SF3B3: variants seen among roughly 807,000 people sequenced by gnomAD.
SF3B3 encodes SAP 130.
SF3B3 carries 33 observed loss-of-function variants against 139.2 expected under a neutral mutation model. The observed-to-expected ratio is 0.24, with a 90% CI of 0.18 to 0.32. SF3B3 has a LOEUF of 0.32. Ranked by LOEUF, SF3B3 falls within the 10% of genes least tolerant of loss-of-function variation. SF3B3 has a pLI of 1.00. For synonymous variants in SF3B3, 596 were observed against 563.6 expected (o/e 1.06, Z -0.81); for missense variants, 818 against 1,509.4 (o/e 0.54, Z 7.59).
At position 70,563,819 on chromosome 16, in the gene SF3B3, A is replaced by G. The variant is rs553770771; in HGVS notation, c.2289-57A>G. On this transcript the variant is annotated intron_variant, in intron 17 of 25. Transcript: ENST00000302516. The stretch of plus-strand genomic sequence containing the variant: ...TGCTGACTGCTCAAAGTCTATTTCA[A>G]CACCAGTTTCTGGGTCCGAGTGAGT... 21 of 1,551,978 alleles carry G rather than the reference A, an allele frequency of 1.4e-5. No individual in the cohort carries two copies. In the East Asian group the frequency reaches 4.3e-4, roughly 32 times the overall value.
chr16:70,564,076 C>T (rs1025278820), intron 18 of SF3B3, 26 bp downstream of exon 18: 36 of 1,605,516 alleles, frequency 2.2e-5, no homozygotes, highest in Non-Finnish European at 3.0e-5. Context: ...TTCAGGGGTT[C>T]TATTAAAAGA....
chr16:70,540,203 T>G (rs2050206625), intron 8 of SF3B3, among the ~76,000 whole-genome samples: 1 of 148,694 alleles, frequency 6.7e-6, no homozygotes, highest in Non-Finnish European at 1.5e-5. Flanking sequence ...GAGACCAGCC[T>G]GACCAACATG....
chr16:70,533,731 C>T (rs938043887), intron 5 of SF3B3, among the ~76,000 whole-genome samples: 2 of 152,168 alleles, frequency 1.3e-5, no homozygotes, highest in African/African-American at 4.8e-5. Flanking sequence ...ATCATTTGCA[C>T]TTCAACTGAT....
chr16:70,554,567 C>T lies in SF3B3; in HGVS notation c.1524C>T (p.Cys508=), dbSNP rs755108421. Residue 508 remains cysteine (C), a synonymous_variant, in exon 12 of 26, where the codon TGC becomes TGT. Coordinates refer to ENST00000302516, the MANE Select transcript of SF3B3 (RefSeq NM_012426.5). ...GFLGTTPTLS[C]SLLGDDALVQ... ...TGGGGACCACCCCGACCTTGTCCTG[C>T]TCCTTATTAGGAGATGATGCCTTGG... 14 of 1,614,064 alleles carry T rather than the reference C, an allele frequency of 8.7e-6. No homozygotes were observed. The highest frequency in any genetic ancestry group is 1.3e-5 in the African/African-American group (1 of 74,926).
chr16:70,541,753 A>G lies in SF3B3; in HGVS notation c.1152A>G (p.Thr384=), dbSNP rs778103065. The change falls in exon 9 of 26, where the codon ACA becomes ACG. Residue 384 remains threonine, a synonymous_variant. Transcript: ENST00000302516. ...CCATGCCTCTGGAAGAAGGAGACAC[A>G]TTCTTTTTTCAGCCAAGACCACTTA... ...SSAMPLEEGD[T]FFFQPRPLKN... 5 of 1,613,910 alleles carry G rather than the reference A, an allele frequency of 3.1e-6. No homozygotes were observed. In the African/African-American group the frequency reaches 5.3e-5, roughly 17 times the overall value.
Position 70,530,832 on chromosome 16 carries a change from A to G in SF3B3, c.485A>G (p.Lys162Arg). 1.9e-6 allele frequency: 3 copies of G among 1,614,130 alleles called. No homozygotes were observed. The highest frequency in any genetic ancestry group is 1.7e-6 in the Non-Finnish European group (2 of 1,180,002). ...LTISSPLEAH[K>R]ANTLVYHVVG... ...ATTTCATCTCCCCTGGAAGCCCACA[A>G]AGCAAACACTTTAGTGTATCATGTA... is the stretch of plus-strand genomic sequence containing the variant. The change falls in exon 4 of 26, where the codon AAA becomes AGA. Residue 162 changes from lysine (K) to arginine (R), a missense_variant. This residue lies in a region of SF3B3 where 144 missense variants were observed against 259.2 expected (regional missense o/e 0.56). Transcript: ENST00000302516.
intron 15 of SF3B3, among the ~76,000 whole-genome samples, chr16:70,559,126 T>C (rs756824665): frequency 1.3e-5 from 2 of 152,204 alleles, no homozygotes; most frequent in African/African-American, 2.4e-5. Context: ...AAAGTTCCCG[T>C]CAACCCTTTA....
At chr16:70,548,736 C>T (rs1176503709) in intron 11 of SF3B3, among the ~76,000 whole-genome samples, 2 of 152,186 alleles carry the variant, frequency 1.3e-5, no homozygotes, top group African/African-American at 4.8e-5. Flanking sequence ...CATAAAGGTA[C>T]TGGTTTCATC....
chr16:70,572,820 G>A lies in SF3B3; in HGVS notation c.*1007G>A, dbSNP rs1457349924. 1 of 152,216 alleles carries A rather than the reference G, an allele frequency of 6.6e-6. No homozygotes were observed. Among genetic ancestry groups the A allele is most frequent in the Admixed American group, 6.5e-5 (1 of 15,270 alleles). The allele number at this position is 152,216 out of a possible 1,614,324, so 9.4% of individuals were successfully genotyped here. A position where few individuals can be genotyped will look rare whatever the true frequency, so the allele number is the denominator to read the frequency against. On this transcript the variant is annotated 3_prime_UTR_variant, in exon 26 of 26. Transcript: ENST00000302516. ...AGGGTATAATGAGAGCCTGTTAGGT[G>A]GAAGAGGCCCAGTTCCAGAAATGTT...
intron 10 of SF3B3, among the ~76,000 whole-genome samples, chr16:70,547,951 A>G (rs1450302943): frequency 6.6e-6 from 1 of 152,150 alleles, no homozygotes; most frequent in Non-Finnish European, 1.5e-5. Context: ...CCAAGGGGAT[A>G]AGGGAATAAT....
chr16:70,539,140 C>A lies in SF3B3; in HGVS notation c.1000C>A (p.Pro334Thr). The stretch of plus-strand genomic sequence containing the variant: ...CCGGCTCAAATATTTTGATACTGTA[C>A]CCGTTGCTGCTGCCATGTGTGTGCT... ...EIRLKYFDTV[P>T]VAAAMCVLKT... The change falls in exon 8 of 26, where the codon CCC becomes ACC. Residue 334 changes from proline to threonine, a missense_variant. By Grantham distance (38) the Pro-to-Thr change is conservative. Around this residue, in one of 14 missense-constraint regions of SF3B3, gnomAD observed 80 missense variants for 206.5 expected, o/e 0.39. Coordinates refer to ENST00000302516, the MANE Select transcript of SF3B3 (RefSeq NM_012426.5). 1 of 1,614,112 alleles carries A rather than the reference C, an allele frequency of 6.2e-7. No individual in the cohort carries two copies.
chr16:70,532,602 G>A lies in SF3B3; in HGVS notation c.694G>A (p.Gly232Ser), dbSNP rs765225482. 1 of 1,613,962 alleles carries A rather than the reference G, an allele frequency of 6.2e-7. No individual in the cohort carries two copies. Among genetic ancestry groups the A allele is most frequent in the Non-Finnish European group, 8.5e-7 (1 of 1,180,012 alleles). ...RKYSEPLEEH[G>S]NFLITVPGGS... ...ATACAGTGAACCTTTGGAGGAACAC[G>A]GCAACTTCCTTATTACAGGTACTTT... The change falls in exon 5 of 26, where the codon GGC (glycine) becomes AGC (serine). Residue 232 changes from glycine (G) to serine (S), a missense_variant. Physicochemically the swap from Gly to Ser is moderately conservative, Grantham distance 56 (BLOSUM62 0). Transcript: ENST00000302516.
chr16:70,539,127 T>C lies in SF3B3; in HGVS notation c.987T>C (p.Tyr329=), dbSNP rs147021856. 2 of 1,614,066 alleles carry C rather than the reference T, an allele frequency of 1.2e-6. No homozygotes were observed. The highest frequency in any genetic ancestry group is 2.7e-5 in the African/African-American group (2 of 75,064). The change falls in exon 8 of 26, where the codon TAT becomes TAC. Residue 329 remains tyrosine (Y), a synonymous_variant. Transcript: ENST00000302516. ...EDMVTEIRLK[Y]FDTVPVAAAM... Reference sequence around the variant, plus strand: ...AGGTTACTGAGATCCGGCTCAAATATTTTGATACTGTACCCGTTGCTGCTG... The same window carrying C: ...AGGTTACTGAGATCCGGCTCAAATACTTTGATACTGTACCCGTTGCTGCTG...
chr16:70,570,889 C>G (rs987503512), intron 24 of SF3B3, among the ~76,000 whole-genome samples: 5 of 152,252 alleles, frequency 3.3e-5, no homozygotes, highest in Admixed American at 6.5e-5. Flanking sequence ...GGCATTCTCT[C>G]TTGCACTGCA....
In SF3B3 at chr16:70,574,041, G is replaced by A. The variant is rs867215569; in HGVS notation, c.*2228G>A. 125 of 152,288 alleles carry A rather than the reference G, an allele frequency of 8.2e-4. No homozygotes were observed. Among genetic ancestry groups the A allele is most frequent in the African/African-American group, 2.7e-3 (113 of 41,558 alleles). 9.4% of individuals were successfully genotyped at this position (152,288 alleles called of 1,614,324 possible). ...GGCGCTGGAAAAGGCTCGTCTCACA[G>A]GGAGAGTGCTGGTCCCCAGAATGTG... On this transcript the variant is annotated 3_prime_UTR_variant, in exon 26 of 26. Transcript: ENST00000302516.
At chr16:70,535,996 A>G (rs988003644) in intron 6 of SF3B3, among the ~76,000 whole-genome samples, 9 of 152,086 alleles carry the variant, frequency 5.9e-5, no homozygotes, top group Non-Finnish European at 1.3e-4. Flanking sequence ...GAACAAGGAC[A>G]TTTTCCTACA....
At chr16:70,531,043 G>A (rs1158388608) in intron 4 of SF3B3, 126 bp downstream of exon 4, 13 of 761,596 alleles carry the variant, frequency 1.7e-5, no homozygotes, top group Admixed American at 7.3e-5. Context: ...AAGGCTGGCG[G>A]ATCATGAGGT....
intron 6 of SF3B3, among the ~76,000 whole-genome samples, chr16:70,536,293 A>G (rs2050165650): frequency 6.6e-6 from 1 of 151,676 alleles, no homozygotes; most frequent in Non-Finnish European, 1.5e-5. Flanking sequence ...TCAGCCTCCC[A>G]TGTAGCCAGG....
intron 10 of SF3B3, among the ~76,000 whole-genome samples, chr16:70,547,996 A>G (rs78072649): frequency 0.032 from 4,821 of 152,258 alleles, 278 homozygotes; most frequent in African/African-American, 0.11. Context: ...ATTGGTCCAC[A>G]TGGGATTTGG....
Sources: allele counts gnomAD v4.1 joint callset (sites outside exome capture counted in the v4.1 genomes callset), GRCh38; gene constraint gnomAD v4.1.1; regional missense constraint gnomAD v4.1.1; transcripts MANE v1.5; gene names NCBI Gene and HGNC (gene_info 2026-07-23, HGNC 2026-07-21).